The following COL28A1 variants were observed in gnomAD, a reference collection of about 807,000 sequenced individuals.
The protein encoded by COL28A1 is collagen alpha-1(XXVIII) chain.
A neutral mutation model predicts 150.2 loss-of-function variants in COL28A1; 161 were observed. The observed-to-expected ratio is 1.07, with a 90% CI of 0.94 to 1.22. COL28A1 has a LOEUF of 1.22. Ranked by LOEUF, COL28A1 falls within the 50% of genes most tolerant of loss-of-function variation. The pLI is 0.00. For missense variants in COL28A1, 1,617 were observed against 1,388.3 expected, an observed-to-expected ratio of 1.16 and a Z score of -2.62; for synonymous variants, 552 against 469.7, an observed-to-expected ratio of 1.18 and a Z score of -2.26.
chr7:7,493,942 A>C (rs1186776939), intron 11 of COL28A1, among the ~76,000 whole-genome samples: 2 of 152,156 alleles, frequency 1.3e-5, no homozygotes, highest in African/African-American at 4.8e-5. Flanking sequence ...TTCATTTGCC[A>C]TCAGAGCCAT....
upstream of COL28A1, among the ~76,000 whole-genome samples, chr7:7,537,882 A>C (rs1251702285): frequency 6.6e-6 from 1 of 152,122 alleles, no homozygotes; most frequent in Non-Finnish European, 1.5e-5. Context: ...TTTCAGGTCA[A>C]CTCTCTTTTT....
intron 27 of COL28A1, among the ~76,000 whole-genome samples, chr7:7,383,666 T>TTG (rs746358688): frequency 0.099 from 10,592 of 107,310 alleles, 502 homozygotes; most frequent in Middle Eastern, 0.23. Flanking sequence ...TATTTGAAAT[T>TTG]TGTGTGTGTG....
At chr7:7,412,156 G>C (rs1381718603) in intron 27 of COL28A1, among the ~76,000 whole-genome samples, 1 of 152,030 alleles carries the variant, frequency 6.6e-6, no homozygotes, top group African/African-American at 2.4e-5. Context: ...TGAGCAGAGG[G>C]GATACATGTC....
intron 3 of COL28A1, among the ~76,000 whole-genome samples, chr7:7,528,589 A>G (rs540048482): frequency 6.6e-6 from 1 of 152,350 alleles, no homozygotes; most frequent in South Asian, 2.1e-4. Flanking sequence ...GATACAGAAA[A>G]AAACCCTGAT....
chr7:7,505,314 T>A (rs1160474914), intron 11 of COL28A1, among the ~76,000 whole-genome samples: 1 of 152,148 alleles, frequency 6.6e-6, no homozygotes, highest in Non-Finnish European at 1.5e-5. Flanking sequence ...AATCACTAAG[T>A]CGACACCATT....
chr7:7,372,952 G>A (rs774273703), intron 32 of COL28A1, 46 bp downstream of exon 32: 30 of 1,529,314 alleles, frequency 2.0e-5, no homozygotes, highest in African/African-American at 2.7e-5. Context: ...GGTACTTAGA[G>A]GAACAACATA....
At chr7:7,395,458 G>A (rs568953269) in intron 27 of COL28A1, among the ~76,000 whole-genome samples, 3 of 152,102 alleles carry the variant, frequency 2.0e-5, no homozygotes, top group East Asian at 1.9e-4. Flanking sequence ...TTTGCAAAAC[G>A]AAAAATGGCT....
At chr7:7,390,239 A>G (rs1380282345) in intron 27 of COL28A1, among the ~76,000 whole-genome samples, 2 of 152,128 alleles carry the variant, frequency 1.3e-5, no homozygotes, top group Non-Finnish European at 2.9e-5. Context: ...TTCTGCATCT[A>G]TTGAGACAAT....
chr7:7,352,611 G>A (rs1780256663), downstream of COL28A1, among the ~76,000 whole-genome samples: 2 of 152,160 alleles, frequency 1.3e-5, no homozygotes, highest in Non-Finnish European at 2.9e-5. Context: ...GCCAAGGAAT[G>A]TGGGTGGCCT....
the COL28A1 span, among the ~76,000 whole-genome samples, chr7:7,541,498 T>C: frequency 6.6e-6 from 1 of 152,220 alleles, no homozygotes; most frequent in Non-Finnish European, 1.5e-5. Flanking sequence ...TTATTCTAAT[T>C]GACCAAATTC....
chr7:7,360,405 C>G lies in COL28A1; in HGVS notation c.3190G>C (p.Val1064Leu). The change falls in exon 34 of 35, where the codon GTG becomes CTG. Residue 1064 changes from valine (V) to leucine (L), a missense_variant. By Grantham distance (32) the Val-to-Leu change is conservative. Transcript: ENST00000399429. ...TTPRPLLSTP[V>L]DGAEDPRCLE... ...GTTTACCTACCCTCTGCCCCATCCA[C>G]AGGGGTGCTGAGCAGTGGCCTGGGG... 1.3e-6 allele frequency: 2 copies of G among 1,587,848 alleles called. No homozygotes were observed. Among genetic ancestry groups the G allele is most frequent in the African/African-American group, 2.7e-5 (2 of 73,256 alleles).
intron 27 of COL28A1, among the ~76,000 whole-genome samples, chr7:7,386,162 T>C (rs1284786537): frequency 1.3e-5 from 2 of 152,202 alleles, no homozygotes; most frequent in East Asian, 3.8e-4. Context: ...GCTTGTTCTC[T>C]GGGAGAGAAA....
intron 27 of COL28A1, among the ~76,000 whole-genome samples, chr7:7,407,393 AC>A (rs1783547484): frequency 1.3e-5 from 2 of 152,050 alleles, no homozygotes; most frequent in African/African-American, 4.8e-5. Flanking sequence ...ACATCTAAAC[AC>A]ATAATAGTAA....
intron 17 of COL28A1, among the ~76,000 whole-genome samples, chr7:7,452,615 A>T (rs1786796787): frequency 6.6e-6 from 1 of 152,254 alleles, no homozygotes; most frequent in Non-Finnish European, 1.5e-5. Flanking sequence ...CTTAAAATAT[A>T]GGCCACATAG....
At chr7:7,501,719 C>T (rs558745825) in intron 11 of COL28A1, among the ~76,000 whole-genome samples, 1 of 152,204 alleles carries the variant, frequency 6.6e-6, no homozygotes, top group South Asian at 2.1e-4. Flanking sequence ...GTGATTGCAA[C>T]CTGAGCCACC....
Position 7,374,038 on chromosome 7 carries a change from A to AAAAAAATATAT in COL28A1, c.2360-493_2360-492insATATATTTTTT. ...TACTTGACTCTTAAAAAAAAAAAAA[A>AAAAAAATATAT]ATATATATATATATATATATATACT... On this transcript the variant is annotated intron_variant, in intron 31 of 34. Coordinates refer to ENST00000399429, the MANE Select transcript of COL28A1 (RefSeq NM_001037763.3). Among the ~76,000 whole-genome samples the AAAAAAATATAT allele has an allele frequency of 1.8e-3, 199 of 113,594 alleles. 2 individuals carry two copies. The highest frequency in any genetic ancestry group is 7.3e-3 in the African/African-American group (192 of 26,384). 74.5% of individuals were successfully genotyped at this position (113,594 alleles called of 152,430 possible).
At chr7:7,402,334 T>C (rs1299469990) in intron 27 of COL28A1, among the ~76,000 whole-genome samples, 4 of 152,224 alleles carry the variant, frequency 2.6e-5, no homozygotes. Flanking sequence ...ACCTATATTC[T>C]ATGGCTCAGA....
intron 26 of COL28A1, among the ~76,000 whole-genome samples, chr7:7,418,882 A>G (rs1197558290): frequency 6.6e-6 from 1 of 152,200 alleles, no homozygotes; most frequent in African/African-American, 2.4e-5. Flanking sequence ...GTTCAAAAAT[A>G]GCATACCGCC....
intron 15 of COL28A1, among the ~76,000 whole-genome samples, chr7:7,461,304 G>A (rs1409385050): frequency 6.6e-6 from 1 of 152,214 alleles, no homozygotes; most frequent in Non-Finnish European, 1.5e-5. Context: ...ATGGCTGCCA[G>A]AGGCACTGGG....
Sources: gnomAD v4.1 joint callset for allele counts (sites outside exome capture counted in the v4.1 genomes callset) on GRCh38, gnomAD v4.1.1 for gene constraint, MANE v1.5 for transcripts, NCBI Gene and HGNC (gene_info 2026-07-23, HGNC 2026-07-21) for gene names.